Variants in FAT4 observed in about 807,000 individuals in gnomAD.
FAT4 encodes the protein FAT atypical cadherin 4.
Under a neutral mutation model 303.9 loss-of-function variants are expected in FAT4, and 84 were observed. That is an observed-to-expected ratio of 0.28 (90% CI 0.23 to 0.33). The LOEUF is 0.33. Ranked by LOEUF, FAT4 falls within the 10% of genes least tolerant of loss-of-function variation. The probability of loss-of-function intolerance (pLI) is 1.00; values close to 1 mark genes in which losing one functional copy is unlikely to be tolerated. For synonymous variants in FAT4, 2,307 were observed against 2,298.8 expected (o/e 1.00, Z -0.10); for missense variants, 6,005 against 6,146.8 (o/e 0.98, Z 0.77).
chr4:125,413,479 C>T (rs928899682), intron 5 of FAT4, among the ~76,000 whole-genome samples: 2 of 151,888 alleles, frequency 1.3e-5, no homozygotes, highest in African/African-American at 4.8e-5. Context: ...ACGATTTACT[C>T]AATCATTGTT....
At position 125,479,741 on chromosome 4, in the gene FAT4, A is replaced by C; in HGVS notation, c.12480A>C (p.Gln4160His). ...QALAAQGILD[Q>H]CPRLEGACTR... ...TTGTTCTCATTATGATTTATTTTAG[A>C]TGCCCTAGGCTGGAAGGCGCTTGTA... Residue 4160 changes from glutamine (Q) to histidine (H), a missense_variant and splice_region_variant, in exon 15 of 18, where the codon CAA becomes CAC. Transcript: ENST00000394329. 6.3e-7 allele frequency: 1 copy of C among 1,580,438 alleles called. No individual in the cohort carries two copies. The highest frequency in any genetic ancestry group is 8.6e-7 in the Non-Finnish European group (1 of 1,157,092).
chr4:125,379,840 CAT>C (rs1206346681), intron 2 of FAT4, among the ~76,000 whole-genome samples: 3 of 151,656 alleles, frequency 2.0e-5, no homozygotes, highest in Admixed American at 6.6e-5. Flanking sequence ...AAAACACACA[CAT>C]ATATATGTAT....
intron 12 of FAT4, among the ~76,000 whole-genome samples, chr4:125,475,942 C>G (rs767561849): frequency 1.3e-5 from 2 of 151,898 alleles, no homozygotes; most frequent in Non-Finnish European, 2.9e-5. Flanking sequence ...TTTAAAGGTA[C>G]CCTTTTACCT....
intron 10 of FAT4, among the ~76,000 whole-genome samples, chr4:125,460,635 A>T (rs1205875397): frequency 6.6e-6 from 1 of 152,114 alleles, no homozygotes; most frequent in African/African-American, 2.4e-5. Context: ...TTATGACTGC[A>T]TAGTATTCCA....
chr4:125,420,075 G>A (rs1467628080), intron 7 of FAT4, among the ~76,000 whole-genome samples: 1 of 152,154 alleles, frequency 6.6e-6, no homozygotes, highest in African/African-American at 2.4e-5. Context: ...CATTATTTTA[G>A]ATAAAATGTC....
At position 125,472,866 on chromosome 4, in the gene FAT4, AGGG is replaced by A. The variant is rs1726910710; in HGVS notation, c.12214-3304_12214-3302del. On this transcript the variant is annotated intron_variant, in intron 12 of 17. Coordinates refer to ENST00000394329, the MANE Select transcript of FAT4 (RefSeq NM_001291303.3). ...TCGCCACATCCATCAAACTGCATTC[AGGG>A]TCCTACCAGGTTATTAAATGTATGT... is the stretch of plus-strand genomic sequence containing the variant. Among the ~76,000 whole-genome samples the A allele has an allele frequency of 4.6e-5, 7 of 152,308 alleles. No individual in the cohort carries two copies. The South Asian group carries it at 1.5e-3, about 32-fold the overall frequency.
intron 7 of FAT4, among the ~76,000 whole-genome samples, chr4:125,426,649 T>TA (rs1278064655): frequency 2.6e-5 from 4 of 152,020 alleles, no homozygotes; most frequent in African/African-American, 9.6e-5. Flanking sequence ...TTTCTTAAGA[T>TA]AAAACTCCAG....
intron 10 of FAT4, among the ~76,000 whole-genome samples, chr4:125,453,928 T>C (rs1726188722): frequency 1.3e-5 from 2 of 152,354 alleles, no homozygotes; most frequent in Admixed American, 1.3e-4. Flanking sequence ...TCCATGTCTA[T>C]ATCATTATTA....
intron 2 of FAT4, among the ~76,000 whole-genome samples, chr4:125,388,171 A>G (rs889431401): frequency 7.2e-5 from 11 of 152,192 alleles, no homozygotes; most frequent in African/African-American, 2.7e-4. Flanking sequence ...ATTTTTATAG[A>G]TAGCCCATTG....
intron 2 of FAT4, among the ~76,000 whole-genome samples, chr4:125,323,789 C>T (rs994170172): frequency 6.6e-6 from 1 of 152,094 alleles, no homozygotes; most frequent in Non-Finnish European, 1.5e-5. Context: ...TTATCAAAGG[C>T]GATTTTTAAA....
At chr4:125,325,635 T>C (rs1578523471) in intron 2 of FAT4, among the ~76,000 whole-genome samples, 1 of 152,354 alleles carries the variant, frequency 6.6e-6, no homozygotes. Context: ...TGGGTCTTTG[T>C]GCACATATTG....
chr4:125,365,858 T>C (rs1052114820), intron 2 of FAT4, among the ~76,000 whole-genome samples: 4 of 152,020 alleles, frequency 2.6e-5, no homozygotes, highest in African/African-American at 9.7e-5. Flanking sequence ...AGGTCAGGAG[T>C]TCCCAACCCC....
Position 125,490,512 on chromosome 4 carries a change from C to T in FAT4, c.13696C>T (p.Pro4566Ser), listed in dbSNP as rs868630367. ...VAFDDPDNIP[P>S]YGDDMTVRKQ... Reference sequence around the variant, plus strand: ...TTTTGATGACCCTGACAATATCCCTCCCTATGGGGATGACATGACTGTGAG... The same window carrying T: ...TTTTGATGACCCTGACAATATCCCTTCCTATGGGGATGACATGACTGTGAG... The change falls in exon 18 of 18, where the codon CCC becomes TCC. Residue 4566 changes from proline (P) to serine (S), a missense_variant. Pro to Ser is a moderately conservative substitution (Grantham distance 74). Coordinates refer to ENST00000394329, the MANE Select transcript of FAT4 (RefSeq NM_001291303.3). 1.2e-6 allele frequency: 2 copies of T among 1,614,136 alleles called. No homozygotes were observed. Among genetic ancestry groups the T allele is most frequent in the Non-Finnish European group, 1.7e-6 (2 of 1,180,038 alleles).
chr4:125,361,734 T>C (rs1411378782), intron 2 of FAT4, among the ~76,000 whole-genome samples: 2 of 152,150 alleles, frequency 1.3e-5, no homozygotes, highest in African/African-American at 4.8e-5. Flanking sequence ...GAAGGCAAGA[T>C]AGTCCTTATA....
intron 16 of FAT4, among the ~76,000 whole-genome samples, chr4:125,485,047 T>G (rs1727360822): frequency 6.6e-6 from 1 of 152,066 alleles, no homozygotes; most frequent in African/African-American, 2.4e-5. Flanking sequence ...AGGGATGAGG[T>G]TTCACATGTT....
intron 2 of FAT4, among the ~76,000 whole-genome samples, chr4:125,366,162 T>C (rs1732879804): frequency 6.6e-6 from 1 of 152,294 alleles, no homozygotes; most frequent in South Asian, 2.1e-4. Flanking sequence ...ACTTCTGTCA[T>C]GGGGTTTGTT....
chr4:125,416,354 C>T, intron 6 of FAT4, 94 bp from the exon 7 acceptor site: 1 of 1,109,020 alleles, frequency 9.0e-7, no homozygotes, highest in Non-Finnish European at 1.3e-6. Flanking sequence ...AATCTCTTAA[C>T]ATAGTTTTAC....
intron 2 of FAT4, among the ~76,000 whole-genome samples, chr4:125,358,436 G>A (rs891906695): frequency 4.6e-5 from 7 of 151,946 alleles, no homozygotes; most frequent in Admixed American, 3.3e-4. Flanking sequence ...TCCTGAACTC[G>A]TTTTCCTGCA....
rs1239834595 is a variant in FAT4, at chr4:125,446,223, T to A, written c.7200-70T>A. The A allele has an allele frequency of 1.1e-5, 15 of 1,353,286 alleles. 1 individual carries two copies. Among genetic ancestry groups the A allele is most frequent in the South Asian group, 3.0e-5 (2 of 66,864 alleles). 83.8% of individuals were successfully genotyped at this position (1,353,286 alleles called of 1,614,324 possible). ...TTCTTGCATTTCTACCTCAGTTTTT[T>A]AATTATAGTAAATAGAAGTTACGAT... On this transcript the variant is annotated intron_variant, in intron 8 of 17. Coordinates refer to ENST00000394329, the MANE Select transcript of FAT4 (RefSeq NM_001291303.3).
Sources: gnomAD v4.1 joint callset for allele counts (sites outside exome capture counted in the v4.1 genomes callset) on GRCh38, gnomAD v4.1.1 for gene constraint, MANE v1.5 for transcripts, NCBI Gene and HGNC (gene_info 2026-07-23, HGNC 2026-07-21) for gene names.